The following PAGE2B variants were observed in gnomAD, a reference collection of about 807,000 sequenced individuals.
PAGE2B encodes the protein putative G antigen family E member 3.
Under a neutral mutation model 7.6 loss-of-function variants are expected in PAGE2B, and 5 were observed. That is an observed-to-expected ratio of 0.66 (90% CI 0.34 to 1.38). The LOEUF (loss-of-function observed/expected upper bound fraction) is 1.38, where lower values mean the gene tolerates loss of function less well. Ranked by LOEUF, PAGE2B falls within the 40% of genes most tolerant of loss-of-function variation. The pLI is 0.04. For missense variants in PAGE2B, 70 were observed against 78.4 expected (o/e 0.89, Z 0.41); for synonymous variants, 29 against 26.7 (o/e 1.09, Z -0.27).
In PAGE2B at chrX:55,076,564, C is replaced by A. The variant is rs1336625755; in HGVS notation, c.85-5C>A. On this transcript the variant is annotated splice_polypyrimidine_tract_variant and splice_region_variant and intron_variant, in intron 2 of 4. Coordinates refer to ENST00000374971, the MANE Select transcript of PAGE2B (RefSeq NM_001015038.3). ...TTTTATTCACACACACACTTACACCCTTAGGTCCAGGAGCCCACTGAGGAA... is the reference window on the plus strand; with the variant it reads ...TTTTATTCACACACACACTTACACCATTAGGTCCAGGAGCCCACTGAGGAA... 2.5e-6 allele frequency: 3 copies of A among 1,195,124 alleles called. No homozygotes were observed. In the Admixed American group the frequency reaches 6.7e-5, roughly 27 times the overall value.
the PAGE2B span, chrX:55,045,147 A>T: frequency 8.9e-6 from 1 of 111,982 alleles, no homozygotes; most frequent in Admixed American, 9.5e-5. Context: ...GTATTTCCTT[A>T]AGACTAATTA....
At chrX:55,054,775 A>T in the PAGE2B span, among the ~76,000 whole-genome samples, 54 of 111,935 alleles carry the variant, frequency 4.8e-4, no homozygotes, top group African/African-American at 1.6e-3. Flanking sequence ...CATTTAAAAG[A>T]AAAACTTATT....
chrX:55,048,462 T>G, the PAGE2B span, among the ~76,000 whole-genome samples: 37 of 111,602 alleles, frequency 3.3e-4, no homozygotes, highest in South Asian at 8.3e-3. Flanking sequence ...CCATTTGTTT[T>G]TATCCTCTTT....
chrX:55,071,896 G>A (rs188910960), upstream of PAGE2B, among the ~76,000 whole-genome samples: 11 of 111,533 alleles, frequency 9.9e-5, no homozygotes, highest in East Asian at 5.7e-4. Flanking sequence ...CTGTTTTTCC[G>A]CTCCCTCAGG....
the PAGE2B span, among the ~76,000 whole-genome samples, chrX:55,030,635 AAAAGAT>A: frequency 8.9e-6 from 1 of 111,839 alleles, no homozygotes; most frequent in Non-Finnish European, 1.9e-5. Flanking sequence ...AATTTAGAGA[AAAAGAT>A]AGTTAGAATT....
chrX:55,052,029 T>A, the PAGE2B span, among the ~76,000 whole-genome samples: 8 of 112,159 alleles, frequency 7.1e-5, no homozygotes, highest in Non-Finnish European at 1.5e-4. Flanking sequence ...CTTCTAACAG[T>A]CAGGACCCTC....
the PAGE2B span, chrX:55,055,351 G>A: frequency 2.0e-5 from 2 of 101,257 alleles, no homozygotes; most frequent in African/African-American, 3.8e-5. Context: ...GTAAGACTCC[G>A]TCTCAGAAAA....
the PAGE2B span, among the ~76,000 whole-genome samples, chrX:55,033,661 T>G: frequency 8.9e-6 from 1 of 111,886 alleles, no homozygotes; most frequent in African/African-American, 3.3e-5. Flanking sequence ...AGAGTCTAGG[T>G]CTGATTCATT....
chrX:55,035,983 T>C, the PAGE2B span, among the ~76,000 whole-genome samples: 2 of 111,804 alleles, frequency 1.8e-5, no homozygotes, highest in African/African-American at 6.5e-5. Flanking sequence ...CCTTGAGCAG[T>C]GGTTTGTAGT....
At chrX:55,035,219 A>T in the PAGE2B span, among the ~76,000 whole-genome samples, 1 of 111,963 alleles carries the variant, frequency 8.9e-6, no homozygotes, top group Admixed American at 9.5e-5. Context: ...CCTGGCATAT[A>T]TCTTAATACA....
the PAGE2B span, among the ~76,000 whole-genome samples, chrX:55,044,531 A>G: frequency 3.0e-3 from 329 of 110,768 alleles, 2 homozygotes; most frequent in African/African-American, 9.9e-3. Flanking sequence ...TGCATGCACC[A>G]TAATCTCAGA....
At chrX:55,047,208 T>G in the PAGE2B span, among the ~76,000 whole-genome samples, 1 of 110,659 alleles carries the variant, frequency 9.0e-6, no homozygotes, top group Non-Finnish European at 1.9e-5. Context: ...GATAGTTTGC[T>G]GAGAATGATG....
chrX:55,065,996 AC>A, the PAGE2B span, among the ~76,000 whole-genome samples: 1 of 112,638 alleles, frequency 8.9e-6, no homozygotes, highest in Admixed American at 9.4e-5. Context: ...ACACACCACA[AC>A]TACAGTGTTA....
At chrX:55,044,247 G>A in the PAGE2B span, among the ~76,000 whole-genome samples, 2 of 111,042 alleles carry the variant, frequency 1.8e-5, no homozygotes, top group Admixed American at 9.6e-5. Flanking sequence ...TCCAATGAGT[G>A]GATAAAGAAA....
chrX:55,055,649 C>A, the PAGE2B span: 2 of 129,350 alleles, frequency 1.5e-5, no homozygotes, highest in South Asian at 4.9e-4. Flanking sequence ...CTTTTTCATT[C>A]TTTCTTTTGC....
At chrX:55,077,333 A>G in intron 3 of PAGE2B, 66 bp from the exon 4 acceptor site, 16 of 1,192,578 alleles carry the variant, frequency 1.3e-5, no homozygotes, top group Non-Finnish European at 1.8e-5. Context: ...GGGAATAAAT[A>G]TTATCATTTC....
chrX:55,029,576 C>A, the PAGE2B span, among the ~76,000 whole-genome samples: 1 of 111,327 alleles, frequency 9.0e-6, no homozygotes, highest in Non-Finnish European at 1.9e-5. Flanking sequence ...CATTTATCTC[C>A]TCTGCTGCAC....
the PAGE2B span, among the ~76,000 whole-genome samples, chrX:55,065,263 T>C: frequency 8.9e-6 from 1 of 112,105 alleles, no homozygotes; most frequent in Admixed American, 9.5e-5. Context: ...ATAATTGCTA[T>C]ATCCTATTGC....
upstream of PAGE2B, among the ~76,000 whole-genome samples, chrX:55,072,444 A>T (rs1936459010): frequency 8.9e-6 from 1 of 112,377 alleles, no homozygotes; most frequent in Non-Finnish European, 1.9e-5. Flanking sequence ...CCAGAGGGGC[A>T]CTGGCCTGAT....
Sources: gnomAD v4.1 joint callset for allele counts (sites outside exome capture counted in the v4.1 genomes callset) on GRCh38, gnomAD v4.1.1 for gene constraint, MANE v1.5 for transcripts, NCBI Gene and HGNC (gene_info 2026-07-23, HGNC 2026-07-21) for gene names.